The following VPS41 variants were observed in gnomAD, a reference collection of about 807,000 sequenced individuals.
The protein encoded by VPS41 is VPS41 subunit of HOPS complex.
A neutral mutation model predicts 130.9 loss-of-function variants in VPS41; 85 were observed. The observed-to-expected ratio is 0.65, with a 90% confidence interval of 0.55 to 0.78. VPS41 has a LOEUF of 0.78. Ranked by LOEUF, VPS41 falls within the 30% of genes least tolerant of loss-of-function variation. The probability of loss-of-function intolerance (pLI) is 0.00; values close to 1 mark genes in which losing one functional copy is unlikely to be tolerated. For synonymous variants in VPS41, 335 were observed against 332.9 expected, an observed-to-expected ratio of 1.01 and a Z score of -0.07; for missense variants, 874 against 1,018.7, an observed-to-expected ratio of 0.86 and a Z score of 1.93.
Position 38,726,954 on chromosome 7 carries a change from A to C in VPS41, c.2439T>G (p.His813Gln), listed in dbSNP as rs139371771. The change falls in exon 28 of 29, where the codon CAT becomes CAG. Residue 813 changes from histidine (H) to glutamine (Q), a missense_variant. Transcript: ENST00000310301. ...AAKPFSVVVF[H>Q]CRHMFHKECL... The stretch of plus-strand genomic sequence containing the variant: ...ACTCCTTGTGGAACATGTGCCGGCA[A>C]TGGAAGACCACCACGCTGAAGGGCT... 4.4e-6 allele frequency: 7 copies of C among 1,592,688 alleles called. No homozygotes were observed. The highest frequency in any genetic ancestry group is 6.0e-6 in the Non-Finnish European group (7 of 1,169,416).
chr7:38,728,669 A>G (rs1436138019), intron 26 of VPS41, 23 bp downstream of exon 26: 1 of 1,613,928 alleles, frequency 6.2e-7, no homozygotes, highest in Non-Finnish European at 8.5e-7. Flanking sequence ...GTGGTTCCAT[A>G]TGATTATTTC....
chr7:38,773,959 G>A (rs1012084604), intron 12 of VPS41, among the ~76,000 whole-genome samples, 156 bp downstream of exon 12: 1 of 152,142 alleles, frequency 6.6e-6, no homozygotes, highest in African/African-American at 2.4e-5. Flanking sequence ...CAACATCTCT[G>A]CATCCAAATG....
chr7:38,776,949 A>G (rs943527379), intron 10 of VPS41, among the ~76,000 whole-genome samples, 173 bp from the exon 11 acceptor site: 1 of 152,212 alleles, frequency 6.6e-6, no homozygotes, highest in African/African-American at 2.4e-5. Flanking sequence ...CACAACGATC[A>G]ATCCTGGAAA....
At chr7:38,730,565 T>C (rs963450475) in intron 25 of VPS41, among the ~76,000 whole-genome samples, 39 of 152,054 alleles carry the variant, frequency 2.6e-4, no homozygotes, top group African/African-American at 8.4e-4. Flanking sequence ...CAGGAATCAA[T>C]TTTTTTTGGA....
rs10254567 is a variant in VPS41 at position 38,743,351 on chromosome 7, G to A, written c.2122+51C>T. On this transcript the variant is annotated intron_variant, in intron 24 of 28. Transcript: ENST00000310301. Reference sequence around the variant, plus strand: ...ATAGTTTTTAATCTAGACATAACTGGTTACACTGAGAGAAAAAAAAGTTAT... The same window carrying A: ...ATAGTTTTTAATCTAGACATAACTGATTACACTGAGAGAAAAAAAAGTTAT... 1,138,601 of 1,605,856 alleles carry A rather than the reference G, an allele frequency of 0.71. 411,126 individuals carry two copies. The highest frequency in any genetic ancestry group is 0.84 in the Admixed American group (50,309 of 59,800).
intron 25 of VPS41, among the ~76,000 whole-genome samples, chr7:38,733,572 T>G (rs1242792863): frequency 3.3e-5 from 5 of 152,218 alleles, no homozygotes; most frequent in African/African-American, 1.2e-4. Flanking sequence ...AACTGGCCTT[T>G]CAAAGATCAA....
At chr7:38,771,478 T>C (rs1339207355) in intron 13 of VPS41, among the ~76,000 whole-genome samples, 1 of 152,188 alleles carries the variant, frequency 6.6e-6, no homozygotes, top group African/African-American at 2.4e-5. Context: ...GAATTCAAAC[T>C]CAAAGGCAGT....
chr7:38,835,545 T>C (rs1399774677), intron 4 of VPS41, among the ~76,000 whole-genome samples: 8 of 151,944 alleles, frequency 5.3e-5, no homozygotes, highest in Admixed American at 3.3e-4. Context: ...TGTGGATGCA[T>C]TGTGGTCTGA....
intron 10 of VPS41, among the ~76,000 whole-genome samples, chr7:38,777,472 A>G (rs1784281019): frequency 6.6e-6 from 1 of 152,244 alleles, no homozygotes; most frequent in South Asian, 2.1e-4. Context: ...AAAGCTCAGA[A>G]GTACACATAT....
intron 13 of VPS41, 137 bp from the exon 14 acceptor site, chr7:38,771,391 C>T (rs577211874): frequency 4.9e-5 from 29 of 593,206 alleles, no homozygotes; most frequent in East Asian, 2.0e-4. Flanking sequence ...CTGCACTACA[C>T]GAATAAAGCT....
chr7:38,873,285 G>GTT (rs915438416), intron 2 of VPS41, among the ~76,000 whole-genome samples: 1 of 148,404 alleles, frequency 6.7e-6, no homozygotes, highest in African/African-American at 2.5e-5. Context: ...ATTTTTTAAG[G>GTT]TTTTTTTTTT....
chr7:38,824,613 T>A (rs908433430), intron 5 of VPS41, among the ~76,000 whole-genome samples: 4 of 152,178 alleles, frequency 2.6e-5, no homozygotes, highest in Non-Finnish European at 5.9e-5. Flanking sequence ...AAGAAAGATA[T>A]CTTTTTACCT....
At chr7:38,817,601 G>C (rs1390845807) in intron 7 of VPS41, among the ~76,000 whole-genome samples, 1 of 152,200 alleles carries the variant, frequency 6.6e-6, no homozygotes, top group East Asian at 1.9e-4. Context: ...CTGGGCGACA[G>C]AGCAAGACTC....
chr7:38,852,802 A>G (rs770440753), intron 4 of VPS41, among the ~76,000 whole-genome samples: 45 of 152,310 alleles, frequency 3.0e-4, no homozygotes, highest in Non-Finnish European at 6.0e-4. Flanking sequence ...TTGTTAAACC[A>G]TATGCACAGA....
chr7:38,811,675 C>T (rs1784946576), intron 7 of VPS41, among the ~76,000 whole-genome samples: 2 of 145,632 alleles, frequency 1.4e-5, no homozygotes, highest in East Asian at 2.1e-4. Context: ...TATATATCTT[C>T]TGTAGTAAGT....
intron 22 of VPS41, among the ~76,000 whole-genome samples, chr7:38,746,912 C>T (rs972744818): frequency 1.4e-4 from 22 of 152,098 alleles, no homozygotes; most frequent in African/African-American, 4.6e-4. Flanking sequence ...CCAAGGTGGA[C>T]GAACAAGAGG....
At chr7:38,825,349 A>C (rs1163942157) in intron 5 of VPS41, among the ~76,000 whole-genome samples, 1 of 152,228 alleles carries the variant, frequency 6.6e-6, no homozygotes, top group Non-Finnish European at 1.5e-5. Context: ...TAAAATCTTC[A>C]ATGTTTTGGT....
intron 9 of VPS41, among the ~76,000 whole-genome samples, chr7:38,790,974 G>T (rs1584397672): frequency 6.6e-6 from 1 of 152,162 alleles, no homozygotes; most frequent in South Asian, 2.1e-4. Flanking sequence ...GTAAGGTTTT[G>T]TTTTTTAATA....
chr7:38,821,738 A>G (rs1785177234), intron 5 of VPS41, among the ~76,000 whole-genome samples: 1 of 151,960 alleles, frequency 6.6e-6, no homozygotes, highest in Non-Finnish European at 1.5e-5. Flanking sequence ...GAAAAAGAAA[A>G]AAGAAAAAAG....
Sources: allele counts gnomAD v4.1 joint callset (sites outside exome capture counted in the v4.1 genomes callset), GRCh38; gene constraint gnomAD v4.1.1; transcripts MANE v1.5; gene names NCBI Gene and HGNC (gene_info 2026-07-23, HGNC 2026-07-21).